The following SYNE1 variants were observed in gnomAD, a reference collection of about 807,000 sequenced individuals.
SYNE1 encodes spectrin repeat containing nuclear envelope protein 1.
Under a neutral mutation model 1,111.0 loss-of-function variants are expected in SYNE1, and 616 were observed. The ratio of observed to expected loss-of-function variants is 0.55; its 90% CI spans 0.52 to 0.59. SYNE1 has a LOEUF of 0.59. Among genes scored for constraint, SYNE1 ranks in the 20% least tolerant of loss-of-function variants. The probability of loss-of-function intolerance (pLI) is 0.00; values close to 1 mark genes in which losing one functional copy is unlikely to be tolerated. For synonymous variants in SYNE1, 3,855 were observed against 3,825.8 expected, an observed-to-expected ratio of 1.01 and a Z score of -0.28; for missense variants, 10,006 against 10,417.0, an observed-to-expected ratio of 0.96 and a Z score of 1.72.
At chr6:152,322,606 A>G (rs2095899826) in intron 82 of SYNE1, among the ~76,000 whole-genome samples, 1 of 152,204 alleles carries the variant, frequency 6.6e-6, no homozygotes, top group Non-Finnish European at 1.5e-5. Flanking sequence ...CAGATGGCCA[A>G]TGAGTTCTCA....
intron 59 of SYNE1, among the ~76,000 whole-genome samples, chr6:152,371,240 T>C (rs567466384): frequency 2.0e-4 from 31 of 152,106 alleles, no homozygotes; most frequent in African/African-American, 6.7e-4. Context: ...TGGGAGGTAA[T>C]TGAATCATGG....
intron 124 of SYNE1, among the ~76,000 whole-genome samples, chr6:152,210,748 A>G (rs1169017366): frequency 1.3e-5 from 2 of 152,356 alleles, no homozygotes; most frequent in East Asian, 3.9e-4. Flanking sequence ...GATTAGATAA[A>G]GTAAATATTG....
rs1001447509 is a variant in SYNE1, at chr6:152,133,455, T to C, written c.25822A>G (p.Arg8608Gly). The change falls in exon 143 of 146, where the codon AGA becomes GGA. Residue 8608 changes from arginine to glycine, a missense_variant. Around this residue, in one of 7 missense-constraint regions of SYNE1, gnomAD observed 761 missense variants for 795.5 expected, o/e 0.96. Transcript: ENST00000367255. ...IKHELLESQL[R>G]VASLQDMSCQ... is the part of the protein sequence containing the mutation. ...GACATGTCTTGCAAAGAGGCTACTC[T>C]GAGTTGGGATTCCAACAGCTCATGC... 1.2e-6 allele frequency: 2 copies of C among 1,614,134 alleles called. No individual in the cohort carries two copies. The highest frequency in any genetic ancestry group is 2.7e-5 in the African/African-American group (2 of 74,958).
chr6:152,632,184 T>C (rs771046696), intron 2 of SYNE1, among the ~76,000 whole-genome samples: 2 of 152,206 alleles, frequency 1.3e-5, no homozygotes, highest in Non-Finnish European at 2.9e-5. Context: ...ATCTCATTCA[T>C]TGACACCAAG....
intron 73 of SYNE1, among the ~76,000 whole-genome samples, chr6:152,345,179 T>C (rs1447216103): frequency 6.6e-6 from 1 of 152,212 alleles, no homozygotes; most frequent in African/African-American, 2.4e-5. Flanking sequence ...TAGAATTTCA[T>C]CCACTTTTTA....
intron 77 of SYNE1, among the ~76,000 whole-genome samples, chr6:152,332,614 G>A (rs1290978310): frequency 6.6e-6 from 1 of 152,148 alleles, no homozygotes; most frequent in Non-Finnish European, 1.5e-5. Context: ...AGTGATGCAT[G>A]ATTTATGTGC....
chr6:152,129,403 A>T (rs181200582), intron 145 of SYNE1: 1 of 152,370 alleles, frequency 6.6e-6, no homozygotes, highest in East Asian at 1.9e-4. Flanking sequence ...TGGGGAAAAG[A>T]TGGACTATAT....
Position 152,236,744 on chromosome 6 carries a change from CA to C in SYNE1, c.20199+72del, listed in dbSNP as rs2084174939. 2.6e-6 allele frequency: 4 copies of C among 1,559,170 alleles called. No individual in the cohort carries two copies. The South Asian group carries it at 4.5e-5, about 17-fold the overall frequency. ...TAAAAGTACTAATAAAATAATTGAT[CA>C]CAAGTTTGTTTACATTCTGTTAAAA... On this transcript the variant is annotated intron_variant, in intron 109 of 145. Transcript: ENST00000367255.
Position 152,226,206 on chromosome 6 carries a change from A to G in SYNE1, c.21196-330T>C, listed in dbSNP as rs540822184. Among the ~76,000 whole-genome samples the G allele has an allele frequency of 2.6e-5, 4 of 152,282 alleles. No homozygotes were observed. In the East Asian group the frequency reaches 7.7e-4, roughly 29 times the overall value. Reference sequence around the variant, plus strand: ...AACTGTAATATTATTTATATTATTAAGTTCATATATGTTGGTATTCAAAAA... The same window carrying G: ...AACTGTAATATTATTTATATTATTAGGTTCATATATGTTGGTATTCAAAAA... On this transcript the variant is annotated intron_variant, in intron 115 of 145. Coordinates refer to ENST00000367255, the MANE Select transcript of SYNE1 (RefSeq NM_182961.4).
At chr6:152,242,136 C>T in intron 107 of SYNE1, 104 bp downstream of exon 107, 1 of 1,142,004 alleles carries the variant, frequency 8.8e-7, no homozygotes, top group South Asian at 1.3e-5. Context: ...CAAGTAAGAA[C>T]TCATAAAAGA....
chr6:152,452,422 T>A (rs2098658893), intron 25 of SYNE1, among the ~76,000 whole-genome samples: 1 of 152,186 alleles, frequency 6.6e-6, no homozygotes, highest in South Asian at 2.1e-4. Context: ...TTAAGAATCC[T>A]TTTTTTAATG....
intron 6 of SYNE1, among the ~76,000 whole-genome samples, chr6:152,514,640 A>G (rs1017429752): frequency 6.6e-6 from 1 of 151,084 alleles, no homozygotes; most frequent in Non-Finnish European, 1.5e-5. Flanking sequence ...AAAAATAATA[A>G]AAAAAAACAA....
intron 97 of SYNE1, 85 bp from the exon 98 acceptor site, chr6:152,278,365 G>T: frequency 1.3e-6 from 2 of 1,511,372 alleles, no homozygotes; most frequent in South Asian, 1.1e-5. Context: ...ACAGCCCTTT[G>T]GAGTCTTTTA....
intron 145 of SYNE1, chr6:152,125,278 T>TAG (rs1281224831): frequency 1.3e-6 from 2 of 1,550,340 alleles, no homozygotes; most frequent in African/African-American, 2.7e-5. Context: ...ATCTCACATG[T>TAG]AGAAGCAAAG....
chr6:152,294,101 A>C lies in SYNE1; in HGVS notation c.17709T>G (p.Ser5903=). 6.2e-7 allele frequency: 1 copy of C among 1,613,822 alleles called. No individual in the cohort carries two copies. Among genetic ancestry groups the C allele is most frequent in the Non-Finnish European group, 8.5e-7 (1 of 1,180,008 alleles). Residue 5903 remains serine, a synonymous_variant, in exon 94 of 146, where the codon TCT becomes TCG. Transcript: ENST00000367255. ...CAGCATCTGTCTGCAACCTCTCAGC[A>C]GACAAGGCTTGGTAATATGCAATGT... ...NQDIAYYQAL[S]AERLQTDAAK...
In SYNE1 at chr6:152,133,849, G is replaced by A. The variant is rs555740338; in HGVS notation, c.25789-361C>T. 58 of 231,486 alleles carry A rather than the reference G, an allele frequency of 2.5e-4. 1 individual carries two copies. Among genetic ancestry groups the A allele is most frequent in the Admixed American group, 2.6e-4 (5 of 19,292 alleles). The allele number at this position is 231,486 out of a possible 1,614,324, so 14.3% of individuals were successfully genotyped here. ...AGAAAAGCACAACATTAAATATAGC[G>A]AAGCAGAAGTATGTCTAGGTATCCT... On this transcript the variant is annotated intron_variant, in intron 142 of 145. Transcript: ENST00000367255.
intron 117 of SYNE1, among the ~76,000 whole-genome samples, chr6:152,223,279 G>T (rs1237218713): frequency 6.6e-6 from 1 of 152,102 alleles, no homozygotes; most frequent in Non-Finnish European, 1.5e-5. Context: ...AAATTATATA[G>T]ACAAATTTGT....
intron 3 of SYNE1, among the ~76,000 whole-genome samples, chr6:152,620,120 A>T (rs1583554471): frequency 7.5e-6 from 1 of 133,292 alleles, no homozygotes; most frequent in Non-Finnish European, 1.7e-5. Context: ...AAACATGTAC[A>T]TGTAAAGAAA....
chr6:152,434,078 TAA>T, intron 33 of SYNE1, 133 bp from the exon 34 acceptor site: 3 of 695,364 alleles, frequency 4.3e-6, no homozygotes, highest in Non-Finnish European at 6.6e-6. Context: ...CTATTCACGC[TAA>T]AAAAAAAATT....
Sources: allele counts gnomAD v4.1 joint callset (sites outside exome capture counted in the v4.1 genomes callset), GRCh38; gene constraint gnomAD v4.1.1; regional missense constraint gnomAD v4.1.1; transcripts MANE v1.5; gene names NCBI Gene and HGNC (gene_info 2026-07-23, HGNC 2026-07-21).